CYP27A1: variants seen among roughly 807,000 people sequenced by gnomAD.
CYP27A1 encodes cytochrome P450 family 27 subfamily A member 1.
In CYP27A1, 46 loss-of-function variants were observed where a neutral mutation model predicts 58.2. The observed-to-expected ratio is 0.79, with a 90% CI of 0.62 to 1.01. The LOEUF is 1.01. Ranked by LOEUF, CYP27A1 falls within the 50% of genes least tolerant of loss-of-function variation. CYP27A1 has a pLI of 0.00. For missense variants in CYP27A1, 704 were observed against 687.0 expected (o/e 1.02, Z -0.28); for synonymous variants, 274 against 285.1 (o/e 0.96, Z 0.39).
intron 2 of CYP27A1, among the ~76,000 whole-genome samples, chr2:218,811,024 A>G (rs1943709314): frequency 6.6e-6 from 1 of 151,978 alleles, no homozygotes; most frequent in Non-Finnish European, 1.5e-5. Flanking sequence ...GGTGGCATGC[A>G]CCTGTAGTCC....
intron 1 of CYP27A1, among the ~76,000 whole-genome samples, chr2:218,790,865 A>AT (rs1039785925): frequency 1.5e-4 from 22 of 150,152 alleles, no homozygotes; most frequent in African/African-American, 4.4e-4. Context: ...TCCCGGCTAT[A>AT]TTTTTTTTTG....
At chr2:218,805,793 T>A (rs984679068) in intron 1 of CYP27A1, 1 of 152,062 alleles carries the variant, frequency 6.6e-6, no homozygotes, top group Non-Finnish European at 1.5e-5. Flanking sequence ...CAGGTTACGA[T>A]CTAATGGTAG....
intron 1 of CYP27A1, among the ~76,000 whole-genome samples, chr2:218,788,885 T>G (rs1034221868): frequency 6.6e-6 from 1 of 152,342 alleles, no homozygotes; most frequent in South Asian, 2.1e-4. Flanking sequence ...GAGATTATTG[T>G]CCAGTTACCT....
In CYP27A1 at chr2:218,814,690, G is replaced by A; in HGVS notation, c.1409G>A (p.Gly470Asp). 1 of 1,614,212 alleles carries A rather than the reference G, an allele frequency of 6.2e-7. No homozygotes were observed. Among genetic ancestry groups the A allele is most frequent in the Non-Finnish European group, 8.5e-7 (1 of 1,180,050 alleles). The change falls in exon 8 of 9, where the codon GGC becomes GAC. Residue 470 changes from glycine to aspartate, a missense_variant. Coordinates refer to ENST00000258415, the MANE Select transcript of CYP27A1 (RefSeq NM_000784.4). ...CACCCATTTGGCTCTGTGCCCTTTGGCTATGGGGTCCGGGCCTGCCTGGGC... is the reference window on the plus strand; with the variant it reads ...CACCCATTTGGCTCTGTGCCCTTTGACTATGGGGTCCGGGCCTGCCTGGGC... ...IQHPFGSVPF[G>D]YGVRACLGRR... is the part of the protein sequence containing the mutation.
intron 1 of CYP27A1, among the ~76,000 whole-genome samples, chr2:218,787,187 C>T (rs1254202429): frequency 9.9e-5 from 15 of 152,142 alleles, no homozygotes; most frequent in Non-Finnish European, 2.2e-4. Context: ...CTACCTCTTT[C>T]CCCCAAGTGC....
At chr2:218,789,746 A>G (rs896753775) in intron 1 of CYP27A1, among the ~76,000 whole-genome samples, 7 of 152,222 alleles carry the variant, frequency 4.6e-5, no homozygotes, top group African/African-American at 1.7e-4. Context: ...GTTTTAGAGG[A>G]TGACCAAGAC....
intron 1 of CYP27A1, among the ~76,000 whole-genome samples, chr2:218,789,440 T>A (rs530685708): frequency 6.6e-6 from 1 of 152,304 alleles, no homozygotes; most frequent in South Asian, 2.1e-4. Context: ...TGGAAGAAGA[T>A]GTATGAACAG....
rs1943722718 is a variant in CYP27A1 at position 218,812,149 on chromosome 2, AG to A, written c.447-70del. ...CTGGATGGAGGGGGTGGTGGACTTCAGGGTGAGAAGATCTCCCTTAATTGAA... is the reference window on the plus strand; with the variant it reads ...CTGGATGGAGGGGGTGGTGGACTTCAGGTGAGAAGATCTCCCTTAATTGAA... On this transcript the variant is annotated intron_variant, in intron 2 of 8. Coordinates refer to ENST00000258415, the MANE Select transcript of CYP27A1 (RefSeq NM_000784.4). 4 of 1,161,582 alleles carry A rather than the reference AG, an allele frequency of 3.4e-6. No individual in the cohort carries two copies. In the East Asian group the frequency reaches 9.4e-5, roughly 27 times the overall value. The allele number at this position is 1,161,582 out of a possible 1,614,324, so 72.0% of individuals were successfully genotyped here. A position where few individuals can be genotyped will look rare whatever the true frequency, so the allele number is the denominator to read the frequency against.
chr2:218,788,128 G>A (rs895741924), intron 1 of CYP27A1, among the ~76,000 whole-genome samples: 1 of 152,256 alleles, frequency 6.6e-6, no homozygotes, highest in Non-Finnish European at 1.5e-5. Context: ...TCTGGGCCCT[G>A]AGTCTGGCTT....
intron 2 of CYP27A1, 139 bp downstream of exon 2, chr2:218,809,906 G>T (rs775810893): frequency 5.3e-5 from 39 of 741,080 alleles, no homozygotes; most frequent in African/African-American, 7.0e-5. Context: ...GAGAGCAGTT[G>T]TTGGGAGGTG....
At position 218,783,270 on chromosome 2, in the gene CYP27A1, A is replaced by G. The variant is rs573770351; in HGVS notation, c.255+833A>G. The stretch of plus-strand genomic sequence containing the variant: ...GAAACTCTGTCTCAAAAAAAAAAAA[A>G]AAAAAAGAAAAAAAGAAAAAAGAAA... On this transcript the variant is annotated intron_variant, in intron 1 of 8. Coordinates refer to ENST00000258415, the MANE Select transcript of CYP27A1 (RefSeq NM_000784.4). Among the ~76,000 whole-genome samples, 8 of 151,248 alleles carry G rather than the reference A, an allele frequency of 5.3e-5. 1 individual carries two copies. The highest frequency in any genetic ancestry group is 4.2e-4 in the South Asian group (2 of 4,776).
chr2:218,794,129 G>C (rs376268700), intron 1 of CYP27A1, among the ~76,000 whole-genome samples: 1 of 152,192 alleles, frequency 6.6e-6, no homozygotes. Context: ...ACCCTGGTAC[G>C]GGAGAGGACA....
At chr2:218,793,960 A>G (rs1351051265) in intron 1 of CYP27A1, among the ~76,000 whole-genome samples, 2 of 152,216 alleles carry the variant, frequency 1.3e-5, no homozygotes, top group Non-Finnish European at 2.9e-5. Context: ...TCAATTAAAA[A>G]TGGGGTCCTT....
Position 218,812,433 on chromosome 2 carries a change from G to T in CYP27A1, c.646+12G>T, listed in dbSNP as rs1943728283. 1 of 1,613,988 alleles carries T rather than the reference G, an allele frequency of 6.2e-7. No homozygotes were observed. The highest frequency in any genetic ancestry group is 1.3e-5 in the African/African-American group (1 of 74,930). On this transcript the variant is annotated intron_variant, in intron 3 of 8. Transcript: ENST00000258415. Reference sequence around the variant, plus strand: ...CTTTGCCTTGGAAGGTACCCTTGCTGGGAGAGGGGCTGGGGAAGGGAATGG... The same window carrying T: ...CTTTGCCTTGGAAGGTACCCTTGCTTGGAGAGGGGCTGGGGAAGGGAATGG...
Position 218,814,737 on chromosome 2 carries a change from A to T in CYP27A1, c.1456A>T (p.Met486Leu), listed in dbSNP as rs150585977. ...CLGRRIAELE[M>L]QLLLARLIQK... ...GGGCCGCAGGATTGCAGAGCTGGAG[A>T]TGCAGCTACTCCTCGCAAGGGTGAG... The change falls in exon 8 of 9, where the codon ATG (methionine) becomes TTG (leucine). Residue 486 changes from methionine to leucine, a missense_variant. Met to Leu is a conservative substitution (Grantham distance 15, BLOSUM62 2). Coordinates refer to ENST00000258415, the MANE Select transcript of CYP27A1 (RefSeq NM_000784.4). 55 of 1,614,104 alleles carry T rather than the reference A, an allele frequency of 3.4e-5. No homozygotes were observed. The African/African-American group carries it at 6.8e-4, about 20-fold the overall frequency.
At chr2:218,799,025 A>G (rs1015522630) in intron 1 of CYP27A1, among the ~76,000 whole-genome samples, 5 of 152,208 alleles carry the variant, frequency 3.3e-5, no homozygotes, top group African/African-American at 1.2e-4. Context: ...TAGAAGGGGA[A>G]TGAATCTGCC....
At position 218,813,087 on chromosome 2, in the gene CYP27A1, AGT is replaced by A; in HGVS notation, c.1010_1011del (p.Val337GlyfsTer19). 1 of 1,611,008 alleles carries A rather than the reference AGT, an allele frequency of 6.2e-7. No individual in the cohort carries two copies. The highest frequency in any genetic ancestry group is 8.5e-7 in the Non-Finnish European group (1 of 1,177,802). ...GSLPELLMAG[V>X]DTTSNTLTWA... is the part of the protein sequence containing the mutation. Reference sequence around the variant, plus strand: ...GCCTGCCTGAGCTGCTCATGGCTGGAGTGGACACGGTGCGTGAAGGGGGAGGG... The same window carrying A: ...GCCTGCCTGAGCTGCTCATGGCTGGAGGACACGGTGCGTGAAGGGGGAGGG... On this transcript the variant is annotated frameshift_variant, in exon 5 of 9. Transcript: ENST00000258415. LOFTEE classifies it high-confidence loss of function.
Position 218,814,666 on chromosome 2 carries a change from AC to A in CYP27A1, c.1388del (p.Pro463HisfsTer31). 1 of 1,614,144 alleles carries A rather than the reference AC, an allele frequency of 6.2e-7. No individual in the cohort carries two copies. Among genetic ancestry groups the A allele is most frequent in the Non-Finnish European group, 8.5e-7 (1 of 1,180,024 alleles). On this transcript the variant is annotated frameshift_variant, in exon 8 of 9. Transcript: ENST00000258415. LOFTEE classifies it high-confidence loss of function. ...NSQPATPRIQ[H>X]PFGSVPFGYG... ...CAGCCTGCTACCCCCAGGATCCAGC[AC>A]CCATTTGGCTCTGTGCCCTTTGGCT...
chr2:218,814,660 T>G lies in CYP27A1; in HGVS notation c.1379T>G (p.Ile460Ser), dbSNP rs748020709. 1.9e-6 allele frequency: 3 copies of G among 1,614,218 alleles called. No homozygotes were observed. In the South Asian group the frequency reaches 3.3e-5, roughly 18 times the overall value. The change falls in exon 8 of 9, where the codon ATC becomes AGC. Residue 460 changes from isoleucine (I) to serine (S), a missense_variant. Transcript: ENST00000258415. ...LRNSQPATPR[I>S]QHPFGSVPFG... The stretch of plus-strand genomic sequence containing the variant: ...AACAGCCAGCCTGCTACCCCCAGGA[T>G]CCAGCACCCATTTGGCTCTGTGCCC...
Sources: gnomAD v4.1 joint callset for allele counts (sites outside exome capture counted in the v4.1 genomes callset) on GRCh38, gnomAD v4.1.1 for gene constraint, MANE v1.5 for transcripts, NCBI Gene and HGNC (gene_info 2026-07-23, HGNC 2026-07-21) for gene names.